Variants in PLPP1 observed in about 807,000 individuals in gnomAD.
PLPP1 encodes phospholipid phosphatase 1.
A neutral mutation model predicts 31.2 loss-of-function variants in PLPP1; 24 were observed. The observed-to-expected ratio is 0.77, with a 90% confidence interval of 0.56 to 1.08. The LOEUF is 1.08. PLPP1 is among the 50% of genes least tolerant of loss of function. The probability of loss-of-function intolerance (pLI) is 0.00; values close to 1 mark genes in which losing one functional copy is unlikely to be tolerated. For synonymous variants in PLPP1, 146 were observed against 126.3 expected, an observed-to-expected ratio of 1.16 and a Z score of -1.05; for missense variants, 319 against 342.7, an observed-to-expected ratio of 0.93 and a Z score of 0.55.
At chr5:55,505,581 A>C (rs1483758793) in intron 1 of PLPP1, among the ~76,000 whole-genome samples, 1 of 152,214 alleles carries the variant, frequency 6.6e-6, no homozygotes, top group African/African-American at 2.4e-5. Context: ...AGAAAAAAAA[A>C]GGTCTCCCCA....
chr5:55,451,611 G>A (rs1374629743), intron 3 of PLPP1, among the ~76,000 whole-genome samples: 2 of 151,704 alleles, frequency 1.3e-5, no homozygotes, highest in Non-Finnish European at 2.9e-5. Flanking sequence ...GCCCAGGCTG[G>A]AGTGCAGTGG....
chr5:55,436,519 T>C (rs953980149), intron 4 of PLPP1, among the ~76,000 whole-genome samples: 8 of 152,216 alleles, frequency 5.3e-5, no homozygotes, highest in Non-Finnish European at 1.0e-4. Context: ...ATTAAACCTC[T>C]TTCTTGTGTA....
intron 3 of PLPP1, among the ~76,000 whole-genome samples, chr5:55,463,616 A>G (rs1433887370): frequency 6.6e-6 from 1 of 151,932 alleles, no homozygotes; most frequent in East Asian, 1.9e-4. Context: ...AGCTTCGGCG[A>G]CAGAGTGAGG....
At chr5:55,487,147 A>G (rs1205026369) in intron 1 of PLPP1, among the ~76,000 whole-genome samples, 1 of 152,220 alleles carries the variant, frequency 6.6e-6, no homozygotes, top group African/African-American at 2.4e-5. Context: ...AAAATAGCCT[A>G]TTAAACATAG....
At chr5:55,458,970 G>C (rs1266009332) in intron 3 of PLPP1, among the ~76,000 whole-genome samples, 1 of 139,156 alleles carries the variant, frequency 7.2e-6, no homozygotes, top group Non-Finnish European at 1.5e-5. Context: ...CATTAAATTT[G>C]TGATCAAAGG....
At chr5:55,450,859 C>CAAGA (rs1561228183) in intron 3 of PLPP1, among the ~76,000 whole-genome samples, 1 of 152,056 alleles carries the variant, frequency 6.6e-6, no homozygotes, top group Non-Finnish European at 1.5e-5. Flanking sequence ...AAACACTGAA[C>CAAGA]AAGAAGACTC....
intron 1 of PLPP1, among the ~76,000 whole-genome samples, chr5:55,520,598 G>A (rs894485421): frequency 2.6e-5 from 4 of 152,146 alleles, no homozygotes; most frequent in Non-Finnish European, 5.9e-5. Context: ...ATTAGATGAC[G>A]AACTCAAAGA....
intron 1 of PLPP1, among the ~76,000 whole-genome samples, chr5:55,500,142 C>CA (rs1332418522): frequency 1.4e-5 from 2 of 146,238 alleles, no homozygotes; most frequent in Non-Finnish European, 3.0e-5. Context: ...TGCAGTGGCG[C>CA]AATCTCGGCT....
At chr5:55,504,360 C>A (rs981135543) in intron 1 of PLPP1, among the ~76,000 whole-genome samples, 95 of 130,404 alleles carry the variant, frequency 7.3e-4, no homozygotes, top group South Asian at 8.0e-4. Context: ...GACTCTGTAT[C>A]AAAAAAAAAA....
chr5:55,531,538 C>T (rs1740670202), intron 1 of PLPP1, among the ~76,000 whole-genome samples: 1 of 152,246 alleles, frequency 6.6e-6, no homozygotes, highest in Non-Finnish European at 1.5e-5. Flanking sequence ...GAACCACTTT[C>T]ACAAAACCCT....
At chr5:55,506,228 A>G (rs2111896053) in intron 1 of PLPP1, among the ~76,000 whole-genome samples, 1 of 151,634 alleles carries the variant, frequency 6.6e-6, no homozygotes, top group African/African-American at 2.4e-5. Flanking sequence ...CTTTAGCTTA[A>G]GAATATAAAA....
chr5:55,447,806 T>C (rs769531675), intron 3 of PLPP1, among the ~76,000 whole-genome samples: 4 of 152,198 alleles, frequency 2.6e-5, no homozygotes, highest in Non-Finnish European at 4.4e-5. Flanking sequence ...AATGTAAAAA[T>C]TGTCTTCTTT....
intron 3 of PLPP1, among the ~76,000 whole-genome samples, chr5:55,443,189 A>AT (rs1194674403): frequency 0.027 from 2,022 of 74,172 alleles, 19 homozygotes; most frequent in Non-Finnish European, 0.031. Flanking sequence ...AAAAAAAAAA[A>AT]AAAATATATA....
chr5:55,482,201 C>G (rs1752683991), intron 1 of PLPP1, among the ~76,000 whole-genome samples: 1 of 147,812 alleles, frequency 6.8e-6, no homozygotes, highest in Non-Finnish European at 1.5e-5. Context: ...TATACACACA[C>G]AGACACACAC....
intron 1 of PLPP1, among the ~76,000 whole-genome samples, chr5:55,503,538 G>C (rs554383636): frequency 6.6e-6 from 1 of 151,968 alleles, no homozygotes; most frequent in East Asian, 2.0e-4. Flanking sequence ...CACTTTGGGA[G>C]GCCGAGGCAG....
intron 3 of PLPP1, among the ~76,000 whole-genome samples, chr5:55,456,686 CCA>C (rs1434100804): frequency 1.3e-5 from 2 of 152,046 alleles, no homozygotes; most frequent in Non-Finnish European, 2.9e-5. Flanking sequence ...CAATGCATAC[CCA>C]CAGTTATGTA....
chr5:55,448,166 G>A (rs998852346), intron 3 of PLPP1, among the ~76,000 whole-genome samples: 1 of 152,098 alleles, frequency 6.6e-6, no homozygotes, highest in Non-Finnish European at 1.5e-5. Flanking sequence ...GAAAGATTTT[G>A]ACAATCGATA....
chr5:55,512,564 GAAA>G (rs1753456378), intron 1 of PLPP1, among the ~76,000 whole-genome samples: 5 of 140,630 alleles, frequency 3.6e-5, no homozygotes, highest in African/African-American at 1.3e-4. Context: ...AAGAAAGAAA[GAAA>G]GAAAGAAAGG....
chr5:55,521,150 C>T (rs563486290), intron 1 of PLPP1, among the ~76,000 whole-genome samples: 2 of 152,050 alleles, frequency 1.3e-5, no homozygotes, highest in African/African-American at 4.8e-5. Flanking sequence ...GTCAGGAGTT[C>T]GAGACCAGTC....
Sources: gnomAD v4.1 joint callset for allele counts (sites outside exome capture counted in the v4.1 genomes callset) on GRCh38, gnomAD v4.1.1 for gene constraint, MANE v1.5 for transcripts, NCBI Gene and HGNC (gene_info 2026-07-23, HGNC 2026-07-21) for gene names.